SLC9A8: variants seen among roughly 807,000 people sequenced by gnomAD.
The protein encoded by SLC9A8 is solute carrier family 9 member A8.
A neutral mutation model predicts 66.6 loss-of-function variants in SLC9A8; 48 were observed. That is an observed-to-expected ratio of 0.72 (90% CI 0.57 to 0.92). The LOEUF is 0.92. Among genes scored for constraint, SLC9A8 ranks in the 40% least tolerant of loss-of-function variants. The pLI, the probability that SLC9A8 is intolerant of heterozygous loss-of-function variation, is 0.00. For synonymous variants in SLC9A8, 274 were observed against 282.6 expected, an observed-to-expected ratio of 0.97 and a Z score of 0.31; for missense variants, 599 against 747.3, an observed-to-expected ratio of 0.80 and a Z score of 2.31.
At chr20:49,858,924 C>T (rs1433189515) in intron 8 of SLC9A8, among the ~76,000 whole-genome samples, 1 of 150,908 alleles carries the variant, frequency 6.6e-6, no homozygotes, top group Non-Finnish European at 1.5e-5. Flanking sequence ...CACCACTGCA[C>T]TCCAGCCAGA....
intron 10 of SLC9A8, among the ~76,000 whole-genome samples, chr20:49,867,227 G>A (rs983521062): frequency 5.9e-5 from 9 of 152,126 alleles, no homozygotes; most frequent in African/African-American, 1.9e-4. Context: ...ATTCCTTTAC[G>A]GAGTTCTGGA....
chr20:49,853,134 G>A (rs933558099), intron 7 of SLC9A8, among the ~76,000 whole-genome samples: 2 of 152,164 alleles, frequency 1.3e-5, no homozygotes, highest in Non-Finnish European at 2.9e-5. Context: ...GCAGGGGTAG[G>A]AGAGGCACAG....
At chr20:49,846,879 C>T (rs150269027) in intron 5 of SLC9A8, among the ~76,000 whole-genome samples, 4 of 152,124 alleles carry the variant, frequency 2.6e-5, no homozygotes, top group Admixed American at 1.3e-4. Context: ...GCTGAGATCA[C>T]GCCACTGCAC....
chr20:49,826,045 A>G (rs1009366239), intron 3 of SLC9A8, among the ~76,000 whole-genome samples: 1 of 152,244 alleles, frequency 6.6e-6, no homozygotes, highest in African/African-American at 2.4e-5. Context: ...CTGATGTTGC[A>G]GAAATAATTG....
chr20:49,872,425 C>T (rs944135255), intron 10 of SLC9A8, among the ~76,000 whole-genome samples: 5 of 150,414 alleles, frequency 3.3e-5, no homozygotes, highest in African/African-American at 9.8e-5. Context: ...TAGCAGTTGA[C>T]AAGTCTGTAA....
Position 49,839,611 on chromosome 20 carries a change from C to T in SLC9A8, c.348+12C>T, listed in dbSNP as rs752735172. On this transcript the variant is annotated intron_variant, in intron 4 of 15. Transcript: ENST00000361573. ...TGGCGAATTGGAAGGTAGGTTTGCC[C>T]TTTGGTTGTTCTTAATTTTAGTAAC... The T allele has an allele frequency of 1.9e-6, 3 of 1,581,850 alleles. No homozygotes were observed. The highest frequency in any genetic ancestry group is 2.6e-6 in the Non-Finnish European group (3 of 1,155,672).
Position 49,886,973 on chromosome 20 carries a change from G to A in SLC9A8, c.1638+75G>A, listed in dbSNP as rs34619777. On this transcript the variant is annotated intron_variant, in intron 15 of 15. Transcript: ENST00000361573. This position sits in a 1 kb window ranked among gnomAD's most constrained non-coding sequence, Gnocchi z 4.8. ...TTCAGGACCTGCGGTGGCCCAGGGT[G>A]GGGTGGAGGAAGAGTGGGGAGGCAG... 1 of 1,510,650 alleles carries A rather than the reference G, an allele frequency of 6.6e-7. No individual in the cohort carries two copies. The highest frequency in any genetic ancestry group is 1.3e-5 in the South Asian group (1 of 77,878). The allele number at this position is 1,510,650 out of a possible 1,614,324, so 93.6% of individuals were successfully genotyped here.
chr20:49,850,455 G>A (rs117209083), intron 6 of SLC9A8, among the ~76,000 whole-genome samples: 1 of 152,180 alleles, frequency 6.6e-6, no homozygotes, highest in Non-Finnish European at 1.5e-5. Flanking sequence ...AATAGCCAAA[G>A]CCCATTCCAT....
At chr20:49,845,354 C>T (rs2087939636) in intron 5 of SLC9A8, among the ~76,000 whole-genome samples, 2 of 152,246 alleles carry the variant, frequency 1.3e-5, no homozygotes, top group African/African-American at 2.4e-5. Flanking sequence ...CAGTGTTTGC[C>T]ATAAATGGGT....
At chr20:49,839,636 C>CAA in intron 4 of SLC9A8, 37 bp downstream of exon 4, 2 of 1,368,780 alleles carry the variant, frequency 1.5e-6, no homozygotes, top group Non-Finnish European at 2.1e-6. Flanking sequence ...ATTTTAGTAA[C>CAA]ATTGATCATT....
intron 10 of SLC9A8, among the ~76,000 whole-genome samples, chr20:49,866,039 G>C (rs1223707486): frequency 6.6e-6 from 1 of 152,210 alleles, no homozygotes; most frequent in Non-Finnish European, 1.5e-5. Flanking sequence ...AATGTGGACA[G>C]TCATAACTAC....
At chr20:49,872,676 G>A (rs1003528489) in intron 10 of SLC9A8, among the ~76,000 whole-genome samples, 3 of 151,976 alleles carry the variant, frequency 2.0e-5, no homozygotes, top group Non-Finnish European at 4.4e-5. Flanking sequence ...TAGTAGAGAC[G>A]GGGTTTCACC....
chr20:49,817,699 G>A (rs1268904942), intron 2 of SLC9A8, among the ~76,000 whole-genome samples: 1 of 152,036 alleles, frequency 6.6e-6, no homozygotes, highest in Non-Finnish European at 1.5e-5. Context: ...GTCTGTCATA[G>A]TTTTAGAAAC....
chr20:49,818,756 G>T (rs1251863517), intron 2 of SLC9A8, among the ~76,000 whole-genome samples: 3 of 152,146 alleles, frequency 2.0e-5, no homozygotes, highest in Admixed American at 1.3e-4. Context: ...CTCCCAAAGT[G>T]CTGGGATTAT....
chr20:49,841,311 T>TAAA (rs535960944), intron 4 of SLC9A8, among the ~76,000 whole-genome samples: 6 of 124,102 alleles, frequency 4.8e-5, no homozygotes, highest in African/African-American at 1.2e-4. Flanking sequence ...ACCCTGTCTC[T>TAAA]AAAAAAAAAA....
At chr20:49,832,849 C>A (rs2087266298) in intron 3 of SLC9A8, among the ~76,000 whole-genome samples, 1 of 151,952 alleles carries the variant, frequency 6.6e-6, no homozygotes, top group Non-Finnish European at 1.5e-5. Context: ...GTTGACAATT[C>A]TGTAAAGTTC....
chr20:49,816,610 A>G (rs1217027506), intron 2 of SLC9A8, among the ~76,000 whole-genome samples: 1 of 152,144 alleles, frequency 6.6e-6, no homozygotes, highest in Non-Finnish European at 1.5e-5. Context: ...AATGCCTCCC[A>G]GTGTGCCTCC....
At position 49,887,731 on chromosome 20, in the gene SLC9A8, C is replaced by T. The variant is rs951356803; in HGVS notation, c.1639-98C>T. 6 of 883,882 alleles carry T rather than the reference C, an allele frequency of 6.8e-6. No individual in the cohort carries two copies. In the African/African-American group the frequency reaches 8.6e-5, roughly 13 times the overall value. The allele number at this position is 883,882 out of a possible 1,614,324, so 54.8% of individuals were successfully genotyped here. On this transcript the variant is annotated intron_variant, in intron 15 of 15. Transcript: ENST00000361573. ...TGGCCATCACCCTGCCTCCCACCTC[C>T]TCCCTAGACACCCCACACAAAACAC...
chr20:49,834,350 GTA>G (rs375573098), intron 3 of SLC9A8, among the ~76,000 whole-genome samples: 15,880 of 58,108 alleles, frequency 0.27, 2,711 homozygotes, highest in African/African-American at 0.43. Context: ...TATATATACT[GTA>G]TATATATATA....
Sources: gnomAD v4.1 joint callset for allele counts (sites outside exome capture counted in the v4.1 genomes callset) on GRCh38, gnomAD v4.1.1 for gene constraint, Gnocchi (gnomAD v3.1) non-coding constraint, MANE v1.5 for transcripts, NCBI Gene and HGNC (gene_info 2026-07-23, HGNC 2026-07-21) for gene names.